SEMA5A: variants seen among roughly 807,000 people sequenced by gnomAD.
SEMA5A encodes semaphorin-5A.
SEMA5A carries 55 observed loss-of-function variants against 135.5 expected under a neutral mutation model. The ratio of observed to expected loss-of-function variants is 0.41; its 90% confidence interval spans 0.33 to 0.51. The LOEUF (loss-of-function observed/expected upper bound fraction) is 0.51, where lower values mean the gene tolerates loss of function less well. Ranked by LOEUF, SEMA5A falls within the 20% of genes least tolerant of loss-of-function variation. The probability of loss-of-function intolerance (pLI) is 0.37; values close to 1 mark genes in which losing one functional copy is unlikely to be tolerated. For missense variants in SEMA5A, 1,290 were observed against 1,419.9 expected, an observed-to-expected ratio of 0.91 and a Z score of 1.47; for synonymous variants, 580 against 546.5, an observed-to-expected ratio of 1.06 and a Z score of -0.85.
chr5:9,140,735 C>T (rs1025448613), intron 12 of SEMA5A, among the ~76,000 whole-genome samples: 3 of 152,166 alleles, frequency 2.0e-5, no homozygotes, highest in African/African-American at 4.8e-5. Flanking sequence ...TGATTCTTTA[C>T]ACAGAGCAAA....
chr5:9,066,774 T>G, intron 16 of SEMA5A, 128 bp from the exon 17 acceptor site: 1 of 714,544 alleles, frequency 1.4e-6, no homozygotes, highest in Non-Finnish European at 2.3e-6. Flanking sequence ...ACAGCTACTC[T>G]ACCAAACTAA....
intron 5 of SEMA5A, among the ~76,000 whole-genome samples, chr5:9,312,952 T>C (rs1252359395): frequency 6.6e-6 from 1 of 152,128 alleles, no homozygotes; most frequent in African/African-American, 2.4e-5. Flanking sequence ...TTGATAGATA[T>C]CATAAGGTCA....
At position 9,154,097 on chromosome 5, in the gene SEMA5A, G is replaced by GTGTA. The variant is rs1553993822; in HGVS notation, c.1481+390_1481+391insTACA. Among the ~76,000 whole-genome samples the GTGTA allele has an allele frequency of 7.0e-3, 775 of 111,308 alleles. 17 individuals are homozygous for GTGTA. Among genetic ancestry groups the GTGTA allele is most frequent in the African/African-American group, 0.024 (736 of 31,312 alleles). The allele number at this position is 111,308 out of a possible 152,430, so 73.0% of individuals were successfully genotyped here. On this transcript the variant is annotated intron_variant, in intron 12 of 22. Transcript: ENST00000382496. Reference sequence around the variant, plus strand: ...TATATATATATATATATATATATGTGTGTGTGTGTATGTGTGTGTATGTAT... The same window carrying GTGTA: ...TATATATATATATATATATATATGTGTGTATGTGTGTGTATGTGTGTGTATGTAT...
chr5:9,296,380 T>C (rs1419624904), intron 5 of SEMA5A, among the ~76,000 whole-genome samples: 1 of 152,162 alleles, frequency 6.6e-6, no homozygotes, highest in East Asian at 1.9e-4. Context: ...TGTTTTCTTT[T>C]TAAAGCAGCT....
At chr5:9,061,204 T>C (rs370351443) in intron 18 of SEMA5A, among the ~76,000 whole-genome samples, 9 of 152,190 alleles carry the variant, frequency 5.9e-5, no homozygotes, top group African/African-American at 1.9e-4. Flanking sequence ...TTAAGTTTCT[T>C]TCTGACCTGG....
chr5:9,036,529 T>G lies in SEMA5A; in HGVS notation c.*6368A>C, dbSNP rs182923605. The G allele has an allele frequency of 7.9e-5, 12 of 152,296 alleles. 1 individual carries two copies. The highest frequency in any genetic ancestry group is 1.5e-4 in the Non-Finnish European group (10 of 68,022). The allele number at this position is 152,296 out of a possible 1,614,324, so 9.4% of individuals were successfully genotyped here. On this transcript the variant is annotated 3_prime_UTR_variant, in exon 23 of 23. Coordinates refer to ENST00000382496, the MANE Select transcript of SEMA5A (RefSeq NM_003966.3). ...TTCTATAGGCATCACGTTAACATTC[T>G]TATTACAGAACAATCACTATGATTT...
chr5:9,496,947 A>G (rs997724440), intron 1 of SEMA5A, among the ~76,000 whole-genome samples: 2 of 152,236 alleles, frequency 1.3e-5, no homozygotes, highest in African/African-American at 4.8e-5. Flanking sequence ...ATCACCATTC[A>G]TTTGTGTTTT....
chr5:9,353,475 A>G (rs1754307245), intron 3 of SEMA5A, among the ~76,000 whole-genome samples: 1 of 152,086 alleles, frequency 6.6e-6, no homozygotes, highest in Non-Finnish European at 1.5e-5. Flanking sequence ...ATCTACTCAT[A>G]CCTCTTCCCT....
At chr5:9,243,710 G>T (rs897206110) in intron 5 of SEMA5A, among the ~76,000 whole-genome samples, 2 of 152,146 alleles carry the variant, frequency 1.3e-5, no homozygotes, top group African/African-American at 4.8e-5. Context: ...ATTATAATAA[G>T]ATTTTGGATG....
chr5:9,412,591 A>ATTTTT (rs201599831), intron 2 of SEMA5A, among the ~76,000 whole-genome samples: 27 of 110,362 alleles, frequency 2.4e-4, no homozygotes, highest in African/African-American at 9.2e-4. Flanking sequence ...CAGATTTTGC[A>ATTTTT]TTTTTTTTTT....
chr5:9,157,076 C>T (rs945839211), intron 11 of SEMA5A, among the ~76,000 whole-genome samples: 1 of 152,242 alleles, frequency 6.6e-6, no homozygotes, highest in African/African-American at 2.4e-5. Flanking sequence ...CATGCTGGTC[C>T]ACAATGGATG....
At chr5:9,176,741 GGCCCCTGACCCAAGGATGGCCACTCT>G (rs1744226836) in intron 11 of SEMA5A, among the ~76,000 whole-genome samples, 2 of 152,152 alleles carry the variant, frequency 1.3e-5, no homozygotes, top group African/African-American at 4.8e-5. Flanking sequence ...GTCAGAGGTT[GGCCCCTGACCCAAGGATGGCCACTCT>G]GCCAGCTGAC....
chr5:9,141,042 T>C (rs544859546), intron 12 of SEMA5A, among the ~76,000 whole-genome samples: 16 of 152,334 alleles, frequency 1.1e-4, no homozygotes, highest in African/African-American at 3.8e-4. Context: ...ACTTATCCTT[T>C]AAAATGTTAA....
chr5:9,075,858 G>A (rs1021409258), intron 16 of SEMA5A, among the ~76,000 whole-genome samples: 1 of 152,062 alleles, frequency 6.6e-6, no homozygotes, highest in Non-Finnish European at 1.5e-5. Flanking sequence ...AAACTGTATG[G>A]TCTCAGAAAA....
At chr5:9,430,231 C>T (rs1757809836) in intron 2 of SEMA5A, among the ~76,000 whole-genome samples, 1 of 152,250 alleles carries the variant, frequency 6.6e-6, no homozygotes, top group Non-Finnish European at 1.5e-5. Context: ...AAATGAGGAA[C>T]TCTACAGAAG....
chr5:9,183,565 A>T (rs1744642880), intron 11 of SEMA5A, among the ~76,000 whole-genome samples: 1 of 152,192 alleles, frequency 6.6e-6, no homozygotes, highest in African/African-American at 2.4e-5. Flanking sequence ...GCTGAGGCAG[A>T]GCAAATGGCC....
intron 3 of SEMA5A, among the ~76,000 whole-genome samples, chr5:9,378,015 A>G (rs376458368): frequency 6.6e-5 from 10 of 152,344 alleles, no homozygotes; most frequent in African/African-American, 2.2e-4. Context: ...TTAAAATGCT[A>G]TAATTTCACC....
chr5:9,225,248 C>T (rs1356148613), intron 7 of SEMA5A, among the ~76,000 whole-genome samples: 1 of 151,930 alleles, frequency 6.6e-6, no homozygotes, highest in Non-Finnish European at 1.5e-5. Context: ...GAAATAGGAT[C>T]ACAATAAAGA....
intron 1 of SEMA5A, among the ~76,000 whole-genome samples, chr5:9,508,911 A>C (rs1736056029): frequency 6.6e-6 from 1 of 152,216 alleles, no homozygotes; most frequent in Non-Finnish European, 1.5e-5. Flanking sequence ...AAGTGGATCT[A>C]CAACTAGGGA....
Sources: allele counts gnomAD v4.1 joint callset (sites outside exome capture counted in the v4.1 genomes callset), GRCh38; gene constraint gnomAD v4.1.1; transcripts MANE v1.5; gene names NCBI Gene and HGNC (gene_info 2026-07-23, HGNC 2026-07-21).